LRP1B: variants seen among roughly 807,000 people sequenced by gnomAD.
LRP1B encodes low-density lipoprotein receptor-related protein 1B.
A neutral mutation model predicts 556.6 loss-of-function variants in LRP1B; 217 were observed. The observed-to-expected ratio is 0.39, with a 90% CI of 0.35 to 0.44. LRP1B has a LOEUF of 0.44. Among genes scored for constraint, LRP1B ranks in the 20% least tolerant of loss-of-function variants. LRP1B has a pLI of 1.00. For missense variants in LRP1B, 5,053 were observed against 5,620.8 expected (o/e 0.90, Z 3.23); for synonymous variants, 2,047 against 1,865.8 (o/e 1.10, Z -2.50).
chr2:141,293,718 G>A (rs1045180128), intron 3 of LRP1B, among the ~76,000 whole-genome samples: 36 of 150,448 alleles, frequency 2.4e-4, no homozygotes, highest in African/African-American at 8.6e-4. Context: ...ATACATTTAA[G>A]TAAAAAGGGG....
At chr2:140,463,890 T>C (rs1687426043) in intron 60 of LRP1B, among the ~76,000 whole-genome samples, 1 of 152,158 alleles carries the variant, frequency 6.6e-6, no homozygotes, top group Non-Finnish European at 1.5e-5. Context: ...ATACGTAATG[T>C]GGAAGCATAG....
chr2:141,258,360 C>T (rs1409504074), intron 3 of LRP1B, among the ~76,000 whole-genome samples: 1 of 152,020 alleles, frequency 6.6e-6, no homozygotes, highest in Non-Finnish European at 1.5e-5. Context: ...GTGGTGTGTG[C>T]CTGTAGTCCC....
intron 2 of LRP1B, among the ~76,000 whole-genome samples, chr2:141,642,627 G>A (rs571172411): frequency 4.5e-4 from 68 of 152,030 alleles, no homozygotes; most frequent in African/African-American, 1.6e-3. Context: ...TTATAGAAAG[G>A]AGAAATCAGG....
At chr2:141,379,765 A>T (rs899078271) in intron 3 of LRP1B, among the ~76,000 whole-genome samples, 1 of 152,138 alleles carries the variant, frequency 6.6e-6, no homozygotes, top group Non-Finnish European at 1.5e-5. Context: ...ATAGAGAATA[A>T]AAAGACAGTT....
At chr2:140,426,029 AC>A (rs1685636210) in intron 66 of LRP1B, among the ~76,000 whole-genome samples, 1 of 152,222 alleles carries the variant, frequency 6.6e-6, no homozygotes, top group Non-Finnish European at 1.5e-5. Context: ...GTTTAATTAT[AC>A]AAGTAGAATA....
At chr2:141,544,819 C>G (rs926331808) in intron 2 of LRP1B, among the ~76,000 whole-genome samples, 1 of 151,686 alleles carries the variant, frequency 6.6e-6, no homozygotes, top group Non-Finnish European at 1.5e-5. Context: ...ATGTGCACCA[C>G]CACTCCCAGC....
rs1290432973 is a variant in LRP1B at position 140,456,326 on chromosome 2, G to A, written c.9963+129C>T. The stretch of plus-strand genomic sequence containing the variant: ...AGCTAAGGTCCCATTTTAATGAGAT[G>A]TTATAGTGTTTTCCTTTATTCTGTG... On this transcript the variant is annotated intron_variant, in intron 62 of 90. Coordinates refer to ENST00000389484, the MANE Select transcript of LRP1B (RefSeq NM_018557.3). 5 of 840,316 alleles carry A rather than the reference G, an allele frequency of 6.0e-6. No homozygotes were observed. The African/African-American group carries it at 8.7e-5, about 15-fold the overall frequency. 52.1% of individuals were successfully genotyped at this position (840,316 alleles called of 1,614,324 possible).
At chr2:140,779,894 T>C (rs1036872124) in intron 32 of LRP1B, among the ~76,000 whole-genome samples, 1 of 150,946 alleles carries the variant, frequency 6.6e-6, no homozygotes, top group Non-Finnish European at 1.5e-5. Context: ...GTCAAGATAA[T>C]GAGAAGGAAT....
At chr2:141,555,584 T>C (rs766718940) in intron 2 of LRP1B, among the ~76,000 whole-genome samples, 37 of 151,936 alleles carry the variant, frequency 2.4e-4, no homozygotes, top group Non-Finnish European at 4.4e-4. Flanking sequence ...ATTTTTAAAA[T>C]GTCATCTTGC....
intron 66 of LRP1B, among the ~76,000 whole-genome samples, chr2:140,399,176 C>CACACACACACACACACACACACACACACA (rs377687105): frequency 0.019 from 2,944 of 151,758 alleles, 34 homozygotes; most frequent in African/African-American, 0.029. Flanking sequence ...CACACACACA[C>CACACACACACACACACACACACACACACA]ACACACACAC....
Position 141,331,575 on chromosome 2 carries a change from T to C in LRP1B, c.344-76934A>G, listed in dbSNP as rs1346501266. Among the ~76,000 whole-genome samples the C allele has an allele frequency of 3.8e-5, 5 of 130,858 alleles. No homozygotes were observed. The East Asian group carries it at 1.0e-3, about 27-fold the overall frequency. The allele number at this position is 130,858 out of a possible 152,430, so 85.8% of individuals were successfully genotyped here. A position where few individuals can be genotyped will look rare whatever the true frequency, so the allele number is the denominator to read the frequency against. On this transcript the variant is annotated intron_variant, in intron 3 of 90. Transcript: ENST00000389484. ...TTCTTATTTGGGAGGGAGGGGGAAT[T>C]TCTAATCTTATAAAGAGACTGCAAA...
intron 1 of LRP1B, among the ~76,000 whole-genome samples, chr2:142,061,130 G>A (rs1319001746): frequency 6.6e-6 from 1 of 151,916 alleles, no homozygotes; most frequent in Non-Finnish European, 1.5e-5. Context: ...CAGATTCAAT[G>A]TACTTTTCAG....
At chr2:141,681,691 G>A (rs1691110774) in intron 2 of LRP1B, among the ~76,000 whole-genome samples, 1 of 152,136 alleles carries the variant, frequency 6.6e-6, no homozygotes, top group Admixed American at 6.6e-5. Flanking sequence ...ATAAGATGCA[G>A]CCGAAAGAAT....
At chr2:141,605,382 A>ATTT (rs34672355) in intron 2 of LRP1B, among the ~76,000 whole-genome samples, 10 of 151,668 alleles carry the variant, frequency 6.6e-5, no homozygotes, top group South Asian at 6.3e-4. Context: ...TTTTTATTTT[A>ATTT]TTTTTTTTGA....
intron 6 of LRP1B, among the ~76,000 whole-genome samples, chr2:141,228,623 G>A (rs1376184549): frequency 1.3e-5 from 2 of 150,850 alleles, no homozygotes; most frequent in Admixed American, 1.3e-4. Flanking sequence ...GTGTGACAAT[G>A]AGATTTCAGT....
rs1403600037 is a variant in LRP1B, at chr2:140,601,607, T to C, written c.6832A>G (p.Arg2278Gly). 1.2e-6 allele frequency: 2 copies of C among 1,604,508 alleles called. No individual in the cohort carries two copies. The highest frequency in any genetic ancestry group is 4.5e-5 in the East Asian group (2 of 44,764). The change falls in exon 42 of 91, where the codon AGA (arginine) becomes GGA (glycine). Residue 2278 changes from arginine to glycine, a missense_variant. By Grantham distance (125) the Arg-to-Gly change is moderately radical. Transcript: ENST00000389484. ...VGSVEGLAYHRAWDTLYWTSS... is the reference protein window; with the variant it reads ...VGSVEGLAYHGAWDTLYWTSS... ...GTCCAGTACAGTGTATCCCAGGCTCTGTGATAGGCAAGTCCTTCCACAGAA... is the reference window on the plus strand; with the variant it reads ...GTCCAGTACAGTGTATCCCAGGCTCCGTGATAGGCAAGTCCTTCCACAGAA...
chr2:141,034,864 C>T (rs1321304355), intron 11 of LRP1B, among the ~76,000 whole-genome samples: 1 of 151,676 alleles, frequency 6.6e-6, no homozygotes, highest in Non-Finnish European at 1.5e-5. Context: ...TGGGTATATA[C>T]CCAAAGGACT....
At chr2:142,098,589 T>C (rs1458146955) in intron 1 of LRP1B, among the ~76,000 whole-genome samples, 1 of 151,706 alleles carries the variant, frequency 6.6e-6, no homozygotes, top group Admixed American at 6.6e-5. Context: ...AAATATAGAA[T>C]AAATAAAATC....
At chr2:141,393,831 T>C (rs539677032) in intron 3 of LRP1B, among the ~76,000 whole-genome samples, 1 of 152,262 alleles carries the variant, frequency 6.6e-6, no homozygotes, top group South Asian at 2.1e-4. Flanking sequence ...AAAATAAAGA[T>C]GTGCTTTATA....
Sources: allele counts gnomAD v4.1 joint callset (sites outside exome capture counted in the v4.1 genomes callset), GRCh38; gene constraint gnomAD v4.1.1; transcripts MANE v1.5; gene names NCBI Gene and HGNC (gene_info 2026-07-23, HGNC 2026-07-21).